The following MGST2 variants were observed in gnomAD, a reference collection of about 807,000 sequenced individuals.
MGST2 encodes glutathione peroxidase MGST2.
A neutral mutation model predicts 16.6 loss-of-function variants in MGST2; 9 were observed. The observed-to-expected ratio is 0.54, with a 90% CI of 0.33 to 0.95. MGST2 has a LOEUF of 0.95. MGST2 is among the 40% of genes least tolerant of loss of function. The probability of loss-of-function intolerance (pLI) is 0.03; values close to 1 mark genes in which losing one functional copy is unlikely to be tolerated. For synonymous variants in MGST2, 79 were observed against 68.0 expected, an observed-to-expected ratio of 1.16 and a Z score of -0.79; for missense variants, 159 against 175.1, an observed-to-expected ratio of 0.91 and a Z score of 0.52.
intron 1 of MGST2, 148 bp downstream of exon 1, chr4:139,666,225 GCA>G: frequency 1.2e-6 from 1 of 808,100 alleles, no homozygotes; most frequent in Middle Eastern, 3.5e-4. Flanking sequence ...GGTCCTCAGA[GCA>G]CAGTCGCCTC....
chr4:139,676,507 A>AGTCT (rs1207378795), intron 1 of MGST2, among the ~76,000 whole-genome samples: 1 of 152,226 alleles, frequency 6.6e-6, no homozygotes, highest in East Asian at 1.9e-4. Flanking sequence ...GTCTGGAGGC[A>AGTCT]GAAGTCCTTT....
At chr4:139,685,845 G>A (rs1157504707) in intron 2 of MGST2, among the ~76,000 whole-genome samples, 1 of 152,130 alleles carries the variant, frequency 6.6e-6, no homozygotes. Context: ...TGTATTTTTA[G>A]TAGAGACAGG....
rs1267816620 is a variant in MGST2 at position 139,735,269 on chromosome 4, C to T, written c.*49-4943C>T. 3.3e-5 allele frequency among the ~76,000 whole-genome samples: 5 copies of T among 152,232 alleles called. No individual in the cohort carries two copies. The highest frequency in any genetic ancestry group is 1.2e-4 in the African/African-American group (5 of 41,462). On this transcript the variant is annotated intron_variant, in intron 5 of 5. Coordinates refer to the MGST2 transcript ENST00000616265. This position sits in a 1 kb window ranked among gnomAD's most constrained non-coding sequence, Gnocchi z 5.8. ...CTGGTGACTCGAGGCCCTCTTTGCA[C>T]AAAATGAGTTCTCTCTCCATTGCCG...
intron 2 of MGST2, among the ~76,000 whole-genome samples, chr4:139,685,667 G>C (rs1019237977): frequency 6.6e-6 from 1 of 152,012 alleles, no homozygotes; most frequent in Non-Finnish European, 1.5e-5. Context: ...ATTTATGTAT[G>C]TATTTATTTA....
chr4:139,691,586 C>A (rs1726583569), intron 2 of MGST2, among the ~76,000 whole-genome samples: 1 of 151,996 alleles, frequency 6.6e-6, no homozygotes, highest in African/African-American at 2.4e-5. Context: ...TATTTCAAGG[C>A]CAAACCAATA....
In MGST2 at chr4:139,678,824, A is replaced by G. The variant is rs1293790510; in HGVS notation, c.158+182A>G. 28 of 644,610 alleles carry G rather than the reference A, an allele frequency of 4.3e-5. No individual in the cohort carries two copies. The Admixed American group carries it at 6.6e-4, about 15-fold the overall frequency. The allele number at this position is 644,610 out of a possible 1,614,324, so 39.9% of individuals were successfully genotyped here. ...GAAAGTTTGAAGGGTTCGGGGCATG[A>G]AGTCTCTGCCCACATCTATTACCAA... On this transcript the variant is annotated intron_variant, in intron 2 of 4. Transcript: ENST00000265498.
At chr4:139,730,388 G>A (rs558512313) in intron 5 of MGST2, 4 of 1,541,602 alleles carry the variant, frequency 2.6e-6, no homozygotes, top group Non-Finnish European at 3.5e-6. Context: ...CTGAATGAAT[G>A]AATGAATCAC....
chr4:139,749,701 G>A, the MGST2 span, among the ~76,000 whole-genome samples: 2 of 152,154 alleles, frequency 1.3e-5, no homozygotes, highest in Non-Finnish European at 2.9e-5. Flanking sequence ...TCACAGACCC[G>A]CGGTGGCAGT....
chr4:139,743,342 C>G (rs552343958), downstream of MGST2, among the ~76,000 whole-genome samples: 1 of 152,326 alleles, frequency 6.6e-6, no homozygotes, highest in South Asian at 2.1e-4. Flanking sequence ...GAAAGCTTCC[C>G]GGACACTAGG....
intron 2 of MGST2, among the ~76,000 whole-genome samples, chr4:139,679,675 T>A (rs1458838054): frequency 6.6e-6 from 1 of 152,172 alleles, no homozygotes; most frequent in Non-Finnish European, 1.5e-5. Flanking sequence ...ATCCACTTGC[T>A]CCAAGGAGGG....
intron 2 of MGST2, among the ~76,000 whole-genome samples, chr4:139,680,652 T>G (rs891792161): frequency 6.6e-6 from 1 of 152,196 alleles, no homozygotes; most frequent in Non-Finnish European, 1.5e-5. Context: ...CTTCAGAAGC[T>G]TCCTGAGAAA....
intron 5 of MGST2, among the ~76,000 whole-genome samples, chr4:139,725,211 C>G (rs1361607244): frequency 1.3e-5 from 2 of 152,162 alleles, no homozygotes; most frequent in African/African-American, 4.8e-5. Context: ...GTTCAATCAG[C>G]CTCAAGGCCC....
At chr4:139,734,954 GCC>G (rs1728874990) in intron 5 of MGST2, among the ~76,000 whole-genome samples, 1 of 152,254 alleles carries the variant, frequency 6.6e-6, no homozygotes, top group Non-Finnish European at 1.5e-5. Context: ...CAGAGCAGCT[GCC>G]GTTCTTCCCG....
At chr4:139,692,514 G>A (rs1190950208) in intron 2 of MGST2, among the ~76,000 whole-genome samples, 2 of 152,190 alleles carry the variant, frequency 1.3e-5, no homozygotes, top group South Asian at 4.1e-4. Flanking sequence ...GAGCTGCTCT[G>A]GGTCTGTGGC....
At chr4:139,678,959 A>G (rs1731103517) in intron 2 of MGST2, 3 of 426,752 alleles carry the variant, frequency 7.0e-6, no homozygotes, top group Admixed American at 7.9e-5. Context: ...TGAGACCACA[A>G]TAGTCTGAAG....
chr4:139,666,127 T>C (rs567917798), intron 1 of MGST2, 50 bp downstream of exon 1: 72 of 1,266,754 alleles, frequency 5.7e-5, no homozygotes, highest in Non-Finnish European at 7.5e-5. Context: ...CGTGTGTGTG[T>C]GTGTGTGACA....
intron 5 of MGST2, among the ~76,000 whole-genome samples, chr4:139,721,940 G>A (rs888811365): frequency 4.6e-5 from 7 of 152,114 alleles, no homozygotes; most frequent in Non-Finnish European, 7.4e-5. Context: ...TGGTGAAATG[G>A]GTTATTGAGT....
chr4:139,719,831 C>A, intron 5 of MGST2: 1 of 1,613,570 alleles, frequency 6.2e-7, no homozygotes, highest in Non-Finnish European at 8.5e-7. Flanking sequence ...CCCAGGCATG[C>A]CCTGCAAGCT....
chr4:139,713,546 A>G (rs543183288), intron 5 of MGST2, among the ~76,000 whole-genome samples: 2 of 152,220 alleles, frequency 1.3e-5, no homozygotes, highest in East Asian at 3.9e-4. Context: ...TTTTCCAGAA[A>G]AACAAGTTCC....
Sources: allele counts gnomAD v4.1 joint callset (sites outside exome capture counted in the v4.1 genomes callset), GRCh38; gene constraint gnomAD v4.1.1; non-coding constraint Gnocchi (gnomAD v3.1); transcripts MANE v1.5; gene names NCBI Gene and HGNC (gene_info 2026-07-23, HGNC 2026-07-21).